HIF1A: variants seen among roughly 807,000 people sequenced by gnomAD.
The protein encoded by HIF1A is hypoxia inducible factor 1 subunit alpha.
HIF1A carries 24 observed loss-of-function variants against 92.7 expected under a neutral mutation model. That is an observed-to-expected ratio of 0.26 (90% CI 0.19 to 0.36). The LOEUF (loss-of-function observed/expected upper bound fraction) is 0.36. Among genes scored for constraint, HIF1A ranks in the 10% least tolerant of loss-of-function variants. The probability of loss-of-function intolerance (pLI) is 1.00; values close to 1 mark genes in which losing one functional copy is unlikely to be tolerated. For synonymous variants in HIF1A, 319 were observed against 338.7 expected, an observed-to-expected ratio of 0.94 and a Z score of 0.64; for missense variants, 799 against 998.5, an observed-to-expected ratio of 0.80 and a Z score of 2.69.
At chr14:61,705,317 G>A (rs533849927) in intron 1 of HIF1A, among the ~76,000 whole-genome samples, 1 of 152,238 alleles carries the variant, frequency 6.6e-6, no homozygotes, top group African/African-American at 2.4e-5. Context: ...AGATCATTTA[G>A]ATGATGTAGA....
chr14:61,701,637 C>G (rs1401394787), intron 1 of HIF1A, among the ~76,000 whole-genome samples: 7 of 152,166 alleles, frequency 4.6e-5, no homozygotes, highest in Admixed American at 4.6e-4. Flanking sequence ...CTACCCTCCC[C>G]CTTTCCATTA....
At chr14:61,739,539 T>C (rs2044680767) in intron 10 of HIF1A, among the ~76,000 whole-genome samples, 2 of 152,226 alleles carry the variant, frequency 1.3e-5, no homozygotes, top group African/African-American at 4.8e-5. Context: ...CAGCCTTGTG[T>C]TGAATGAATA....
chr14:61,744,624 T>C (rs983769461), intron 12 of HIF1A, 81 bp from the exon 13 acceptor site: 3 of 582,950 alleles, frequency 5.1e-6, no homozygotes, highest in Non-Finnish European at 9.2e-6. Context: ...AACTAAAGAA[T>C]TATGTATTTT....
intron 7 of HIF1A, 82 bp downstream of exon 7, chr14:61,732,606 C>A (rs1395826447): frequency 2.4e-6 from 2 of 825,212 alleles, no homozygotes; most frequent in African/African-American, 3.4e-5. Context: ...CCATCTAATT[C>A]TCTGGTTAAA....
intron 7 of HIF1A, 66 bp from the exon 8 acceptor site, chr14:61,734,072 T>A: frequency 9.2e-7 from 1 of 1,086,176 alleles, no homozygotes; most frequent in Non-Finnish European, 1.3e-6. Context: ...CAGCATCTGT[T>A]CATTTAATTG....
At position 61,716,920 on chromosome 14, in the gene HIF1A, A is replaced by G. The variant is rs970634044; in HGVS notation, c.36-3462A>G. On this transcript the variant is annotated intron_variant, in intron 1 of 14. Transcript: ENST00000337138. ...ACTTTAGTTCTAGAACAGTTGTAGA[A>G]ATGGGTAAACAAACTGTTTTAACTG... 2.0e-5 allele frequency: 3 copies of G among 152,202 alleles called. No homozygotes were observed. In the South Asian group the frequency reaches 6.2e-4, roughly 32 times the overall value. The allele number at this position is 152,202 out of a possible 1,614,324, so 9.4% of individuals were successfully genotyped here.
intron 2 of HIF1A, 30 bp from the exon 3 acceptor site, chr14:61,721,479 A>G (rs755454870): frequency 7.0e-6 from 11 of 1,581,910 alleles, no homozygotes; most frequent in Admixed American, 1.8e-5. Context: ...TTTTTAACTA[A>G]TTATTTTCCT....
intron 12 of HIF1A, among the ~76,000 whole-genome samples, chr14:61,743,252 G>T (rs2044735987): frequency 6.6e-6 from 1 of 151,990 alleles, no homozygotes. Flanking sequence ...TGTATTTTTA[G>T]TAGAGACAGT....
chr14:61,744,682 A>G, intron 12 of HIF1A, 23 bp from the exon 13 acceptor site: 1 of 1,035,842 alleles, frequency 9.7e-7, no homozygotes, highest in Non-Finnish European at 1.5e-6. Context: ...CTATATTTTC[A>G]TTTAGAATTT....
In HIF1A at chr14:61,721,722, T is replaced by A. The variant is rs756957588; in HGVS notation, c.373-17T>A. On this transcript the variant is annotated splice_polypyrimidine_tract_variant and intron_variant, in intron 3 of 14. Transcript: ENST00000337138. ...GATTTTATGATCTAGCCCTAATTTT[T>A]AAAAATGTGTTTACAGTTTGAACTA... 4 of 1,612,188 alleles carry A rather than the reference T, an allele frequency of 2.5e-6. No homozygotes were observed. Among genetic ancestry groups the A allele is most frequent in the Admixed American group, 1.7e-5 (1 of 59,956 alleles).
intron 1 of HIF1A, among the ~76,000 whole-genome samples, chr14:61,711,683 C>A (rs796724104): frequency 3.3e-5 from 5 of 152,240 alleles, no homozygotes; most frequent in African/African-American, 1.2e-4. Context: ...GCTGGCTCTG[C>A]TGGCTCTGAT....
intron 1 of HIF1A, among the ~76,000 whole-genome samples, chr14:61,705,821 A>G (rs1271360083): frequency 2.0e-5 from 3 of 152,198 alleles, no homozygotes; most frequent in Non-Finnish European, 2.9e-5. Flanking sequence ...GTTGGAAAAC[A>G]GAGACTCTTG....
At chr14:61,716,262 A>T (rs1223760771) in intron 1 of HIF1A, among the ~76,000 whole-genome samples, 1 of 152,136 alleles carries the variant, frequency 6.6e-6, no homozygotes, top group East Asian at 1.9e-4. Flanking sequence ...ACCATTTGGA[A>T]AGCTATTGTG....
Position 61,740,539 on chromosome 14 carries a change from A to C in HIF1A, c.1571A>C (p.Asp524Ala). The C allele has an allele frequency of 1.3e-6, 2 of 1,595,350 alleles. No individual in the cohort carries two copies. Among genetic ancestry groups the C allele is most frequent in the Non-Finnish European group, 1.7e-6 (2 of 1,166,726 alleles). The stretch of plus-strand genomic sequence containing the variant: ...CCCAGTGAATATTGTTTTTATGTGG[A>C]TAGTGATATGGTCAATGAATTCAAG... Reference protein sequence around the residue: ...NSPSEYCFYVDSDMVNEFKLE... With the variant: ...NSPSEYCFYVASDMVNEFKLE... Residue 524 changes from aspartate to alanine, a missense_variant, in exon 11 of 15, where the codon GAT becomes GCT. Transcript: ENST00000337138.
At chr14:61,732,770 A>C (rs2044592016) in intron 7 of HIF1A, among the ~76,000 whole-genome samples, 1 of 152,240 alleles carries the variant, frequency 6.6e-6, no homozygotes, top group African/African-American at 2.4e-5. Flanking sequence ...TTGAAAATCC[A>C]AATATTATAG....
intron 5 of HIF1A, 59 bp from the exon 6 acceptor site, chr14:61,727,394 C>CT (rs367862168): frequency 2.5e-3 from 3,163 of 1,258,616 alleles, no homozygotes; most frequent in Non-Finnish European, 3.1e-3. Flanking sequence ...CTTATCTCTG[C>CT]TTTTTTTTTC....
Position 61,720,376 on chromosome 14 carries a change from A to C in HIF1A, c.36-6A>C. ...ATCTCGTGTTTTTCTTGTTGTTGTT[A>C]AGTAGGATAAGTTCTGAACGTCGAA... On this transcript the variant is annotated splice_polypyrimidine_tract_variant and splice_region_variant and intron_variant, in intron 1 of 14. Coordinates refer to ENST00000337138, the MANE Select transcript of HIF1A (RefSeq NM_001530.4). The C allele has an allele frequency of 6.3e-7, 1 of 1,595,880 alleles. No homozygotes were observed. Among genetic ancestry groups the C allele is most frequent in the Middle Eastern group, 1.7e-4 (1 of 5,982 alleles).
In HIF1A at chr14:61,742,951, AATCACTT is replaced by A. The variant is rs149881677; in HGVS notation, c.2094-1751_2094-1745del. The stretch of plus-strand genomic sequence containing the variant: ...GCATGAATACAGTAGTAAAAATGAC[AATCACTT>A]ATAAGTTACAGTTTACTATCAGCTA... On this transcript the variant is annotated intron_variant, in intron 12 of 14. Coordinates refer to ENST00000337138, the MANE Select transcript of HIF1A (RefSeq NM_001530.4). 4.9e-3 allele frequency among the ~76,000 whole-genome samples: 740 copies of A among 152,006 alleles called. 6 individuals are homozygous for A. The highest frequency in any genetic ancestry group is 0.017 in the African/African-American group (698 of 41,454).
intron 1 of HIF1A, among the ~76,000 whole-genome samples, chr14:61,703,578 G>A (rs2044201857): frequency 1.3e-5 from 2 of 151,598 alleles, no homozygotes; most frequent in African/African-American, 4.9e-5. Flanking sequence ...TGTGGAAGAG[G>A]ACGGCTAGCA....
Sources: allele counts gnomAD v4.1 joint callset (sites outside exome capture counted in the v4.1 genomes callset), GRCh38; gene constraint gnomAD v4.1.1; transcripts MANE v1.5; gene names NCBI Gene and HGNC (gene_info 2026-07-23, HGNC 2026-07-21).